The following LMLN variants were observed in gnomAD, a reference collection of about 807,000 sequenced individuals.
LMLN encodes the protein leishmanolysin-like peptidase.
A neutral mutation model predicts 92.3 loss-of-function variants in LMLN; 70 were observed. The observed-to-expected ratio is 0.76, with a 90% CI of 0.63 to 0.92. LMLN has a LOEUF of 0.92. Ranked by LOEUF, LMLN falls within the 40% of genes least tolerant of loss-of-function variation. LMLN has a pLI of 0.00. For missense variants in LMLN, 691 were observed against 814.6 expected, an observed-to-expected ratio of 0.85 and a Z score of 1.85; for synonymous variants, 308 against 296.2, an observed-to-expected ratio of 1.04 and a Z score of -0.41.
intron 13 of LMLN, 82 bp downstream of exon 14, chr3:198,021,687 AC>A (rs1722788741): frequency 8.1e-7 from 1 of 1,227,680 alleles, no homozygotes; most frequent in Non-Finnish European, 1.2e-6. Context: ...AAGGGCACAG[AC>A]CCTAGAGCAG....
intron 11 of LMLN, among the ~76,000 whole-genome samples, chr3:198,011,123 A>AT (rs950454479): frequency 1.8e-4 from 27 of 148,458 alleles, no homozygotes; most frequent in East Asian, 6.0e-4. Context: ...TAAGTTTTTT[A>AT]TTTTTTTTTA....
rs71166715 is a variant in LMLN, at chr3:198,020,768, A to ATTTTTTTTTTTTTT, written c.1366-659_1366-646dup. 4.6e-4 allele frequency among the ~76,000 whole-genome samples: 15 copies of ATTTTTTTTTTTTTT among 32,870 alleles called. 5 individuals are homozygous for ATTTTTTTTTTTTTT. The highest frequency in any genetic ancestry group is 1.1e-3 in the East Asian group (1 of 882). 21.6% of individuals were successfully genotyped at this position (32,870 alleles called of 152,430 possible). A position where few individuals can be genotyped will look rare whatever the true frequency, so the allele number is the denominator to read the frequency against. On this transcript the variant is annotated intron_variant, in intron 12 of 15. Coordinates refer to ENST00000330198, the Ensembl canonical transcript of LMLN. ...GCCACCACACCCAGCTAATTTTTGTATTTTTTTTTTTTTTTTTTTTTTTTT... is the reference window on the plus strand; with the variant it reads ...GCCACCACACCCAGCTAATTTTTGTATTTTTTTTTTTTTTTTTTTTTTTTTTTTTTTTTTTTTTT...
At chr3:197,998,385 G>T (rs1722084040) in intron 10 of LMLN, among the ~76,000 whole-genome samples, 1 of 152,084 alleles carries the variant, frequency 6.6e-6, no homozygotes, top group Non-Finnish European at 1.5e-5. Flanking sequence ...CTTACGGAAG[G>T]GACGTACATT....
intron 1 of LMLN, among the ~76,000 whole-genome samples, chr3:197,960,869 G>A (rs1720850292): frequency 6.6e-6 from 1 of 152,190 alleles, no homozygotes; most frequent in Non-Finnish European, 1.5e-5. Context: ...CTGACCTGAA[G>A]TTTCGGGAAG....
exon 16 of LMLN, chr3:198,040,560 C>T (rs985899244): frequency 1.5e-4 from 23 of 151,170 alleles, no homozygotes; most frequent in African/African-American, 5.6e-4. Flanking sequence ...GTAACCACAA[C>T]CCTCGGACAG....
intron 11 of LMLN, among the ~76,000 whole-genome samples, chr3:198,007,446 A>G (rs1474744642): frequency 6.6e-6 from 1 of 150,994 alleles, no homozygotes. Context: ...TCTTTCCTTC[A>G]TGGAATTGCT....
At chr3:198,003,279 A>G (rs1722224513) in intron 11 of LMLN, among the ~76,000 whole-genome samples, 154 bp downstream of exon 12, 1 of 152,242 alleles carries the variant, frequency 6.6e-6, no homozygotes. Context: ...TGGTAATAAT[A>G]TAGTGAGAAG....
At position 198,019,087 on chromosome 3, in the gene LMLN, C is replaced by T. The variant is rs1398891616; in HGVS notation, c.1233-166C>T. On this transcript the variant is annotated intron_variant, in intron 11 of 15. Coordinates refer to ENST00000330198, the Ensembl canonical transcript of LMLN. The surrounding 1 kb of genome is among the most constrained non-coding windows in gnomAD (Gnocchi z 5.5). ...GAGAAAATTCCACTCTTTGTAGCTG[C>T]AGGGCAGAGGGGACATTGCCTCCAT... is the stretch of plus-strand genomic sequence containing the variant. Among the ~76,000 whole-genome samples the T allele has an allele frequency of 1.3e-5, 2 of 152,196 alleles. No individual in the cohort carries two copies. The highest frequency in any genetic ancestry group is 2.9e-5 in the Non-Finnish European group (2 of 68,040).
At chr3:197,988,715 T>A (rs1484870402) in intron 8 of LMLN, among the ~76,000 whole-genome samples, 1 of 152,134 alleles carries the variant, frequency 6.6e-6, no homozygotes, top group Non-Finnish European at 1.5e-5. Flanking sequence ...GGAGTCTCAC[T>A]CTGTTACCCA....
chr3:197,999,393 A>G (rs1395961356), intron 11 of LMLN, 51 bp downstream of exon 11: 1 of 1,230,862 alleles, frequency 8.1e-7, no homozygotes, highest in African/African-American at 1.5e-5. Flanking sequence ...AATGAAATTA[A>G]TACTGAGCTT....
intron 4 of LMLN, 93 bp from the exon 5 acceptor site, chr3:197,976,505 A>G (rs947869815): frequency 1.6e-5 from 10 of 617,984 alleles, no homozygotes; most frequent in African/African-American, 1.1e-4. Context: ...TTAATGAAGT[A>G]ATATAGCAGC....
intron 11 of LMLN, 88 bp from the exon 12 acceptor site, chr3:198,002,927 T>C: frequency 2.7e-6 from 2 of 727,812 alleles, no homozygotes; most frequent in Non-Finnish European, 4.7e-6. Flanking sequence ...GGTCCTAATG[T>C]GCTCATTGTT....
At position 197,976,597 on chromosome 3, in the gene LMLN, G is replaced by T; in HGVS notation, c.432-1G>T. 1.3e-6 allele frequency: 2 copies of T among 1,545,462 alleles called. No homozygotes were observed. Among genetic ancestry groups the T allele is most frequent in the South Asian group, 1.2e-5 (1 of 85,814 alleles). ...AACTTTGATGTACAAATGGACTGAA[G>T]ACAATGTGCAACAAACCAATACCTC... is the stretch of plus-strand genomic sequence containing the variant. On this transcript the variant is annotated splice_acceptor_variant, in intron 4 of 15. Transcript: ENST00000330198. LOFTEE classifies it high-confidence loss of function.
intron 1 of LMLN, 23 bp downstream of exon 1, chr3:197,960,463 G>A (rs376355098): frequency 4.4e-6 from 7 of 1,606,192 alleles, no homozygotes; most frequent in Non-Finnish European, 6.0e-6. Flanking sequence ...GGGCGGGAGC[G>A]GGCCCTCTCA....
chr3:198,002,052 A>G (rs1722188888), intron 11 of LMLN, among the ~76,000 whole-genome samples: 1 of 152,244 alleles, frequency 6.6e-6, no homozygotes, highest in Admixed American at 6.5e-5. Context: ...TAACTTTTGC[A>G]AGCAAATCTT....
rs1460687136 is a variant in LMLN at position 197,972,549 on chromosome 3, G to A, written c.220-1828G>A. Among the ~76,000 whole-genome samples, 5 of 152,060 alleles carry A rather than the reference G, an allele frequency of 3.3e-5. No individual in the cohort carries two copies. The East Asian group carries it at 7.7e-4, about 23-fold the overall frequency. ...CATTAAACTAGTTGTTTAAATTCAG[G>A]TCCTCTTAGGGTCTGTTTCTATTCC... On this transcript the variant is annotated intron_variant, in intron 1 of 15. Transcript: ENST00000330198.
At chr3:198,032,846 A>T (rs1343305742) in intron 14 of LMLN, among the ~76,000 whole-genome samples, 1 of 152,212 alleles carries the variant, frequency 6.6e-6, no homozygotes, top group Non-Finnish European at 1.5e-5. Context: ...CTGGGTTCGG[A>T]ACGAACTGGT....
intron 6 of LMLN, among the ~76,000 whole-genome samples, chr3:197,982,880 G>A (rs1721597764): frequency 1.3e-5 from 2 of 152,236 alleles, no homozygotes; most frequent in Non-Finnish European, 2.9e-5. Flanking sequence ...ATAGAGAGAT[G>A]TGGGGAGAGC....
At chr3:197,963,989 A>C (rs1167823803) in intron 1 of LMLN, among the ~76,000 whole-genome samples, 3 of 152,206 alleles carry the variant, frequency 2.0e-5, no homozygotes, top group African/African-American at 7.2e-5. Context: ...AATGGGGACA[A>C]ATTTTGTCAA....
Sources: gnomAD v4.1 joint callset for allele counts (sites outside exome capture counted in the v4.1 genomes callset) on GRCh38, gnomAD v4.1.1 for gene constraint, Gnocchi (gnomAD v3.1) non-coding constraint, MANE v1.5 for transcripts, NCBI Gene and HGNC (gene_info 2026-07-23, HGNC 2026-07-21) for gene names.